The following MAF variants were observed in gnomAD, a reference collection of about 807,000 sequenced individuals.
MAF encodes the protein MAF bZIP transcription factor.
A neutral mutation model predicts 22.0 loss-of-function variants in MAF; 10 were observed. That is an observed-to-expected ratio of 0.45 (90% CI 0.28 to 0.77). The LOEUF (loss-of-function observed/expected upper bound fraction) is 0.77, where lower values mean the gene tolerates loss of function less well. Among genes scored for constraint, MAF ranks in the 30% least tolerant of loss-of-function variants. The pLI, the probability that MAF is intolerant of heterozygous loss-of-function variation, is 0.12. For synonymous variants in MAF, 337 were observed against 255.8 expected (o/e 1.32, Z -3.03); for missense variants, 544 against 548.4 (o/e 0.99, Z 0.08).
chr16:79,364,962 C>G, the MAF span, among the ~76,000 whole-genome samples: 38 of 152,196 alleles, frequency 2.5e-4, no homozygotes, highest in Non-Finnish European at 4.7e-4. Flanking sequence ...GTTCAGGGCA[C>G]CACTGAAGGA....
the MAF span, among the ~76,000 whole-genome samples, chr16:79,499,220 C>T: frequency 4.4e-3 from 664 of 152,176 alleles, 6 homozygotes; most frequent in African/African-American, 0.015. Flanking sequence ...TCTTTTGTGG[C>T]TGGGCTGCAT....
At chr16:79,379,017 T>A in the MAF span, among the ~76,000 whole-genome samples, 1 of 152,226 alleles carries the variant, frequency 6.6e-6, no homozygotes, top group East Asian at 1.9e-4. Context: ...ATTATTCTGA[T>A]TTTGTGCCAT....
At chr16:79,452,409 A>G in the MAF span, among the ~76,000 whole-genome samples, 1 of 152,202 alleles carries the variant, frequency 6.6e-6, no homozygotes, top group Non-Finnish European at 1.5e-5. Context: ...TGATGAAAAA[A>G]CTGATAAACT....
At chr16:79,203,545 T>A in the MAF span, 2 of 149,706 alleles carry the variant, frequency 1.3e-5, no homozygotes, top group Non-Finnish European at 3.0e-5. Context: ...TGTTATAGAA[T>A]ACTTATGGGG....
chr16:79,343,585 G>T, the MAF span, among the ~76,000 whole-genome samples: 2 of 152,152 alleles, frequency 1.3e-5, no homozygotes, highest in Non-Finnish European at 2.9e-5. Context: ...CAGTGATATC[G>T]ATACTTTCCT....
the MAF span, among the ~76,000 whole-genome samples, chr16:79,546,004 A>G: frequency 6.6e-6 from 1 of 152,134 alleles, no homozygotes; most frequent in Non-Finnish European, 1.5e-5. Context: ...ACTTTAAAAC[A>G]TTATACACCA....
At chr16:79,376,844 G>C in the MAF span, among the ~76,000 whole-genome samples, 1 of 152,194 alleles carries the variant, frequency 6.6e-6, no homozygotes, top group Non-Finnish European at 1.5e-5. Flanking sequence ...TCCTACAAAG[G>C]ACATGAACTC....
At chr16:79,509,591 C>T in the MAF span, among the ~76,000 whole-genome samples, 3 of 152,188 alleles carry the variant, frequency 2.0e-5, no homozygotes, top group Admixed American at 6.5e-5. Flanking sequence ...TGGAGAGGGC[C>T]GGGTCTGGGC....
chr16:79,534,236 T>C, the MAF span, among the ~76,000 whole-genome samples: 2 of 152,314 alleles, frequency 1.3e-5, no homozygotes, highest in East Asian at 3.9e-4. Flanking sequence ...CCAAATGTCA[T>C]TTATTATTTT....
chr16:79,509,187 C>A, the MAF span, among the ~76,000 whole-genome samples: 1 of 152,248 alleles, frequency 6.6e-6, no homozygotes, highest in Non-Finnish European at 1.5e-5. Context: ...ATCTCCGAGG[C>A]GTGGTAGCAA....
At chr16:79,216,942 T>G in the MAF span, among the ~76,000 whole-genome samples, 2 of 152,018 alleles carry the variant, frequency 1.3e-5, no homozygotes, top group African/African-American at 4.8e-5. Context: ...CCTGAATAGC[T>G]GGAATTACAG....
chr16:79,559,802 G>A, the MAF span, among the ~76,000 whole-genome samples: 1 of 152,132 alleles, frequency 6.6e-6, no homozygotes, highest in Non-Finnish European at 1.5e-5. Flanking sequence ...TTAGCTATCT[G>A]GTTGGCAGAT....
chr16:79,539,521 A>G, the MAF span, among the ~76,000 whole-genome samples: 1 of 152,172 alleles, frequency 6.6e-6, no homozygotes, highest in Non-Finnish European at 1.5e-5. Flanking sequence ...AACAAAACAA[A>G]AGAGAAAGAA....
At chr16:79,336,056 TG>T in the MAF span, among the ~76,000 whole-genome samples, 15 of 152,316 alleles carry the variant, frequency 9.8e-5, no homozygotes, top group South Asian at 3.1e-3. Context: ...GCTAGGGCTA[TG>T]GAGTGAGGGA....
chr16:79,412,888 A>T, the MAF span, among the ~76,000 whole-genome samples: 1 of 152,244 alleles, frequency 6.6e-6, no homozygotes, highest in Non-Finnish European at 1.5e-5. Flanking sequence ...AAATCTCACA[A>T]GAGTCAGCAC....
the MAF span, among the ~76,000 whole-genome samples, chr16:79,246,361 T>G: frequency 6.6e-6 from 1 of 152,114 alleles, no homozygotes; most frequent in African/African-American, 2.4e-5. Flanking sequence ...TCTCATTGCT[T>G]GAACATATCT....
chr16:79,506,173 A>G, the MAF span, among the ~76,000 whole-genome samples: 1 of 152,204 alleles, frequency 6.6e-6, no homozygotes, highest in Non-Finnish European at 1.5e-5. Context: ...CTAAAAATGT[A>G]AAATCAACTG....
chr16:79,277,748 T>C, the MAF span, among the ~76,000 whole-genome samples: 1 of 152,318 alleles, frequency 6.6e-6, no homozygotes, highest in East Asian at 1.9e-4. Context: ...TTTATAAAAT[T>C]TGAGACAACT....
the MAF span, among the ~76,000 whole-genome samples, chr16:79,517,866 C>G: frequency 6.6e-6 from 1 of 152,166 alleles, no homozygotes; most frequent in Non-Finnish European, 1.5e-5. Context: ...TGAGCCACCG[C>G]TTTTGGCTTA....
Sources: allele counts gnomAD v4.1 joint callset (sites outside exome capture counted in the v4.1 genomes callset), GRCh38; gene constraint gnomAD v4.1.1; transcripts MANE v1.5; gene names NCBI Gene and HGNC (gene_info 2026-07-23, HGNC 2026-07-21).